CHL1: variants seen among roughly 807,000 people sequenced by gnomAD.
CHL1 encodes cell adhesion molecule L1 like.
A neutral mutation model predicts 141.9 loss-of-function variants in CHL1; 96 were observed. The observed-to-expected ratio is 0.68, with a 90% CI of 0.57 to 0.80. The LOEUF (loss-of-function observed/expected upper bound fraction) is 0.80, where lower values mean the gene tolerates loss of function less well. Ranked by LOEUF, CHL1 falls within the 30% of genes least tolerant of loss-of-function variation. CHL1 has a pLI of 0.00. For synonymous variants in CHL1, 613 were observed against 502.2 expected, an observed-to-expected ratio of 1.22 and a Z score of -2.95; for missense variants, 1,820 against 1,457.2, an observed-to-expected ratio of 1.25 and a Z score of -4.05.
chr3:263,986 A>T (rs1559354642), intron 2 of CHL1, among the ~76,000 whole-genome samples: 1 of 152,174 alleles, frequency 6.6e-6, no homozygotes, highest in Non-Finnish European at 1.5e-5. Flanking sequence ...TCTAAGACGG[A>T]TAGTATTGAT....
At chr3:331,018 T>C (rs770059593) in intron 5 of CHL1, among the ~76,000 whole-genome samples, 1 of 152,146 alleles carries the variant, frequency 6.6e-6, no homozygotes, top group Non-Finnish European at 1.5e-5. Flanking sequence ...CAATTGATAA[T>C]TCACACAGAG....
intron 2 of CHL1, among the ~76,000 whole-genome samples, chr3:303,610 T>A (rs1175222647): frequency 6.6e-6 from 1 of 152,224 alleles, no homozygotes; most frequent in Non-Finnish European, 1.5e-5. Flanking sequence ...TGAAGTTGCT[T>A]ATCAGCTTAA....
At chr3:340,301 C>T (rs1702254093) in intron 5 of CHL1, among the ~76,000 whole-genome samples, 1 of 152,122 alleles carries the variant, frequency 6.6e-6, no homozygotes, top group African/African-American at 2.4e-5. Flanking sequence ...GCATTCTTAC[C>T]ATTTTCTCCA....
At chr3:357,738 GC>G (rs1703844777) in intron 11 of CHL1, among the ~76,000 whole-genome samples, 1 of 152,194 alleles carries the variant, frequency 6.6e-6, no homozygotes, top group Admixed American at 6.5e-5. Flanking sequence ...CCATACCCAT[GC>G]CAACAGGCAG....
chr3:275,868 A>G (rs1239500230), intron 2 of CHL1, among the ~76,000 whole-genome samples: 1 of 152,128 alleles, frequency 6.6e-6, no homozygotes, highest in Non-Finnish European at 1.5e-5. Flanking sequence ...ATTAGCAATC[A>G]TGATTAAGGA....
intron 2 of CHL1, among the ~76,000 whole-genome samples, chr3:249,269 T>C (rs1693460816): frequency 6.6e-6 from 1 of 152,144 alleles, no homozygotes; most frequent in South Asian, 2.1e-4. Context: ...AATCAAAGCC[T>C]CTGATCAAAG....
intron 8 of CHL1, among the ~76,000 whole-genome samples, chr3:343,574 G>A (rs1341460522): frequency 6.6e-6 from 1 of 152,194 alleles, no homozygotes; most frequent in Non-Finnish European, 1.5e-5. Flanking sequence ...CAGAACTTGT[G>A]TTCTATGGAA....
chr3:284,789 C>T (rs1240566142), intron 2 of CHL1, among the ~76,000 whole-genome samples: 2 of 150,692 alleles, frequency 1.3e-5, no homozygotes, highest in African/African-American at 2.4e-5. Flanking sequence ...TTTTCTCCAA[C>T]CTCAGTAGAT....
chr3:338,166 T>G (rs1702080128), intron 5 of CHL1, among the ~76,000 whole-genome samples: 1 of 152,320 alleles, frequency 6.6e-6, no homozygotes, highest in East Asian at 1.9e-4. Flanking sequence ...TAGACTGTTA[T>G]GTGCAAGTTG....
chr3:358,990 A>T (rs1703966285), intron 11 of CHL1, among the ~76,000 whole-genome samples: 1 of 146,284 alleles, frequency 6.8e-6, no homozygotes, highest in Non-Finnish European at 1.5e-5. Context: ...TATATATATT[A>T]TATACGGATA....
chr3:276,566 T>C (rs767772919), intron 2 of CHL1, among the ~76,000 whole-genome samples: 8 of 152,040 alleles, frequency 5.3e-5, no homozygotes, highest in Non-Finnish European at 1.0e-4. Context: ...CAAAAAGACT[T>C]CAATGGCAGC....
intron 26 of CHL1, among the ~76,000 whole-genome samples, chr3:399,523 C>T (rs1456609610): frequency 6.6e-6 from 1 of 152,078 alleles, no homozygotes; most frequent in African/African-American, 2.4e-5. Flanking sequence ...GCCTGTAATC[C>T]CAGCTACTCG....
intron 11 of CHL1, among the ~76,000 whole-genome samples, chr3:355,771 G>GA (rs997994326): frequency 2.0e-5 from 3 of 151,736 alleles, no homozygotes; most frequent in South Asian, 2.1e-4. Context: ...GTGCTTGAAT[G>GA]AAAAAAAATG....
intron 2 of CHL1, among the ~76,000 whole-genome samples, chr3:304,297 A>G (rs1699028375): frequency 6.6e-6 from 1 of 152,098 alleles, no homozygotes; most frequent in Non-Finnish European, 1.5e-5. Flanking sequence ...TGTTGTTTGG[A>G]ATAGTTTCAG....
intron 1 of CHL1, among the ~76,000 whole-genome samples, chr3:205,104 C>CTTTCTTTTTTTTT (rs59728908): frequency 3.1e-5 from 4 of 129,126 alleles, no homozygotes; most frequent in Non-Finnish European, 6.3e-5. Flanking sequence ...TTCTTTCTTT[C>CTTTCTTTTTTTTT]TTTTTTTTTT....
At chr3:298,752 T>C (rs1698440225) in intron 2 of CHL1, among the ~76,000 whole-genome samples, 1 of 152,182 alleles carries the variant, frequency 6.6e-6, no homozygotes, top group Admixed American at 6.5e-5. Context: ...GTGGTAGACC[T>C]ATTATTTGAC....
chr3:331,899 T>C (rs1701472225), intron 5 of CHL1, among the ~76,000 whole-genome samples: 3 of 152,160 alleles, frequency 2.0e-5, no homozygotes, highest in South Asian at 4.1e-4. Flanking sequence ...TCCTACCCAA[T>C]TGGGAAATAT....
intron 2 of CHL1, among the ~76,000 whole-genome samples, chr3:294,770 T>C (rs954301607): frequency 3.9e-5 from 6 of 152,204 alleles, no homozygotes; most frequent in African/African-American, 1.2e-4. Flanking sequence ...GAATACCTCT[T>C]GACCTTCAAA....
chr3:344,718 C>G lies in CHL1; in HGVS notation c.848+9C>G, dbSNP rs1216149239. ...TGTTTTGCTGAAGGCTTGTGAGTAACCTGACTCTCACTCATGACTTTGTCC... is the reference window on the plus strand; with the variant it reads ...TGTTTTGCTGAAGGCTTGTGAGTAAGCTGACTCTCACTCATGACTTTGTCC... On this transcript the variant is annotated intron_variant, in intron 9 of 27. Coordinates refer to ENST00000256509, the MANE Select transcript of CHL1 (RefSeq NM_006614.4). The G allele has an allele frequency of 3.7e-6, 6 of 1,612,994 alleles. No individual in the cohort carries two copies. The East Asian group carries it at 1.3e-4, about 36-fold the overall frequency.
Sources: gnomAD v4.1 joint callset for allele counts (sites outside exome capture counted in the v4.1 genomes callset) on GRCh38, gnomAD v4.1.1 for gene constraint, MANE v1.5 for transcripts, NCBI Gene and HGNC (gene_info 2026-07-23, HGNC 2026-07-21) for gene names.